The following DNAJC1 variants were observed in gnomAD, a reference collection of about 807,000 sequenced individuals.
DNAJC1 encodes the protein dnaJ homolog subfamily C member 1.
In DNAJC1, 58 loss-of-function variants were observed where a neutral mutation model predicts 76.6. The ratio of observed to expected loss-of-function variants is 0.76; its 90% CI spans 0.61 to 0.94. DNAJC1 has a LOEUF of 0.94. Among genes scored for constraint, DNAJC1 ranks in the 40% least tolerant of loss-of-function variants. DNAJC1 has a pLI of 0.00. For synonymous variants in DNAJC1, 258 were observed against 267.9 expected, an observed-to-expected ratio of 0.96 and a Z score of 0.36; for missense variants, 689 against 677.3, an observed-to-expected ratio of 1.02 and a Z score of -0.19.
intron 7 of DNAJC1, among the ~76,000 whole-genome samples, chr10:21,890,109 T>C (rs1416011084): frequency 6.6e-6 from 1 of 151,458 alleles, no homozygotes; most frequent in Non-Finnish European, 1.5e-5. Context: ...TCAGGCAGTG[T>C]GGTTACAGAG....
intron 8 of DNAJC1, among the ~76,000 whole-genome samples, chr10:21,866,342 C>T (rs1836002395): frequency 6.6e-6 from 1 of 151,390 alleles, no homozygotes; most frequent in African/African-American, 2.4e-5. Context: ...AAAGATGTAA[C>T]AAAATGGAAA....
At chr10:21,859,160 A>G (rs1401949455) in intron 8 of DNAJC1, among the ~76,000 whole-genome samples, 1 of 152,186 alleles carries the variant, frequency 6.6e-6, no homozygotes, top group Non-Finnish European at 1.5e-5. Context: ...TGGAGAATTT[A>G]CCTACGTTTG....
At chr10:21,869,868 G>A (rs1184024263) in intron 8 of DNAJC1, among the ~76,000 whole-genome samples, 2 of 151,986 alleles carry the variant, frequency 1.3e-5, no homozygotes, top group South Asian at 2.1e-4. Flanking sequence ...TGGGTGACAG[G>A]TACAGAGGAA....
chr10:21,909,089 T>C (rs921819079), intron 6 of DNAJC1, among the ~76,000 whole-genome samples: 2 of 152,208 alleles, frequency 1.3e-5, no homozygotes, highest in Non-Finnish European at 2.9e-5. Flanking sequence ...GGTTTTGCCA[T>C]GTTGGCCAGG....
chr10:21,795,513 G>C (rs1834740880), intron 9 of DNAJC1, among the ~76,000 whole-genome samples: 1 of 152,108 alleles, frequency 6.6e-6, no homozygotes, highest in Non-Finnish European at 1.5e-5. Context: ...GTAATATCCT[G>C]AAAAGAAAAT....
intron 5 of DNAJC1, 117 bp downstream of exon 5, chr10:21,919,715 G>T: frequency 1.5e-6 from 1 of 645,402 alleles, no homozygotes; most frequent in Non-Finnish European, 2.5e-6. Flanking sequence ...TCTTTTATAA[G>T]ACTACCACAG....
At chr10:21,946,368 T>C (rs1446233173) in intron 1 of DNAJC1, among the ~76,000 whole-genome samples, 1 of 152,032 alleles carries the variant, frequency 6.6e-6, no homozygotes, top group Non-Finnish European at 1.5e-5. Flanking sequence ...CCATTAAATA[T>C]ATAAAAAGTA....
intron 8 of DNAJC1, among the ~76,000 whole-genome samples, chr10:21,856,275 A>G (rs1307154588): frequency 6.6e-6 from 1 of 152,226 alleles, no homozygotes; most frequent in Non-Finnish European, 1.5e-5. Context: ...TGCATCATTA[A>G]AAATTAAATT....
chr10:21,925,946 A>G (rs529806947), intron 3 of DNAJC1, among the ~76,000 whole-genome samples: 7 of 152,344 alleles, frequency 4.6e-5, no homozygotes, highest in Admixed American at 1.3e-4. Context: ...TTATACCCAA[A>G]TAAGGATGTT....
intron 8 of DNAJC1, among the ~76,000 whole-genome samples, chr10:21,806,799 AT>A (rs1834889704): frequency 6.6e-6 from 1 of 151,978 alleles, no homozygotes; most frequent in Non-Finnish European, 1.5e-5. Flanking sequence ...ATTTCATTTT[AT>A]TTTGACCATT....
At chr10:21,956,290 C>T (rs776798158) in intron 1 of DNAJC1, among the ~76,000 whole-genome samples, 1 of 152,188 alleles carries the variant, frequency 6.6e-6, no homozygotes, top group Non-Finnish European at 1.5e-5. Context: ...GAGGGTAGAG[C>T]CTTCATGACC....
intron 9 of DNAJC1, among the ~76,000 whole-genome samples, chr10:21,777,877 C>T (rs1015806253): frequency 6.6e-6 from 1 of 152,160 alleles, no homozygotes; most frequent in African/African-American, 2.4e-5. Flanking sequence ...ACATTTCATC[C>T]CCAACTACCT....
chr10:21,930,440 C>G (rs1590054200), intron 1 of DNAJC1, among the ~76,000 whole-genome samples: 1 of 152,098 alleles, frequency 6.6e-6, no homozygotes. Flanking sequence ...AAACACCAAA[C>G]CAAACCAACA....
intron 7 of DNAJC1, among the ~76,000 whole-genome samples, chr10:21,884,269 G>A (rs1836332825): frequency 6.6e-6 from 1 of 151,974 alleles, no homozygotes. Context: ...GTCATAAATG[G>A]GCAATCCACA....
chr10:21,829,076 C>A (rs1425669948), intron 8 of DNAJC1, among the ~76,000 whole-genome samples: 1 of 151,996 alleles, frequency 6.6e-6, no homozygotes, highest in Non-Finnish European at 1.5e-5. Context: ...ATGTTCCAGG[C>A]CTGGAGTGCA....
intron 9 of DNAJC1, among the ~76,000 whole-genome samples, chr10:21,772,410 AGTCT>A (rs1449582458): frequency 1.3e-5 from 2 of 151,578 alleles, no homozygotes; most frequent in Non-Finnish European, 2.9e-5. Flanking sequence ...ACTAATTATA[AGTCT>A]ATCTATTAAA....
At chr10:21,935,214 A>G (rs1441235595) in intron 1 of DNAJC1, among the ~76,000 whole-genome samples, 1 of 152,194 alleles carries the variant, frequency 6.6e-6, no homozygotes, top group Non-Finnish European at 1.5e-5. Flanking sequence ...AAATATGCTT[A>G]AAGAGTATGT....
intron 7 of DNAJC1, among the ~76,000 whole-genome samples, chr10:21,889,810 T>C (rs1385830572): frequency 6.6e-6 from 1 of 152,130 alleles, no homozygotes; most frequent in Non-Finnish European, 1.5e-5. Context: ...TTATCTTTTG[T>C]CTAGAAGATA....
intron 1 of DNAJC1, among the ~76,000 whole-genome samples, chr10:21,992,633 T>C (rs1482764804): frequency 6.6e-6 from 1 of 152,254 alleles, no homozygotes; most frequent in Non-Finnish European, 1.5e-5. Context: ...CTCTGTGTTT[T>C]GTATCACATA....
Sources: gnomAD v4.1 joint callset for allele counts (sites outside exome capture counted in the v4.1 genomes callset) on GRCh38, gnomAD v4.1.1 for gene constraint, MANE v1.5 for transcripts, NCBI Gene and HGNC (gene_info 2026-07-23, HGNC 2026-07-21) for gene names.